The following FAM237A variants were observed in gnomAD, a reference collection of about 807,000 sequenced individuals.
FAM237A encodes protein FAM237A.
FAM237A carries 14 observed loss-of-function variants against 12.5 expected under a neutral mutation model. The ratio of observed to expected loss-of-function variants is 1.12; its 90% confidence interval spans 0.74 to 1.75. The LOEUF is 1.75. FAM237A is among the 40% of genes most tolerant of loss of function. The pLI is 0.00. For synonymous variants in FAM237A, 85 were observed against 77.5 expected, an observed-to-expected ratio of 1.10 and a Z score of -0.51; for missense variants, 240 against 211.7, an observed-to-expected ratio of 1.13 and a Z score of -0.83.
Position 206,649,116 on chromosome 2 carries a change from C to T in FAM237A, c.*322C>T, listed in dbSNP as rs181254020. 16 of 159,982 alleles carry T rather than the reference C, an allele frequency of 1.0e-4. No homozygotes were observed. The East Asian group carries it at 2.9e-3, about 29-fold the overall frequency. The allele number at this position is 159,982 out of a possible 1,614,324, so 9.9% of individuals were successfully genotyped here. ...TTGGGATGCTTGACATGTTAATAAA[C>T]TAGTGTGCCATACATTTAACTTGAA... On this transcript the variant is annotated 3_prime_UTR_variant, in exon 3 of 3. Coordinates refer to ENST00000441223, the MANE Select transcript of FAM237A (RefSeq NM_001102659.3).
chr2:206,647,734 T>A (rs1442137201), intron 2 of FAM237A, among the ~76,000 whole-genome samples: 2 of 146,774 alleles, frequency 1.4e-5, no homozygotes, highest in African/African-American at 2.5e-5. Context: ...GAATTGAGAG[T>A]AACTCATGGG....
chr2:206,645,990 G>A (rs1699312635), intron 2 of FAM237A, among the ~76,000 whole-genome samples: 1 of 151,966 alleles, frequency 6.6e-6, no homozygotes, highest in Non-Finnish European at 1.5e-5. Flanking sequence ...GGTCTGTAGG[G>A]CCTTTTCTTC....
At chr2:206,644,017 C>CGTCTTGG (rs1487597559) in intron 1 of FAM237A, among the ~76,000 whole-genome samples, 1 of 151,866 alleles carries the variant, frequency 6.6e-6, no homozygotes, top group African/African-American at 2.4e-5. Context: ...TTGGCCTGAC[C>CGTCTTGG]GTCTTGGATT....
In FAM237A at chr2:206,644,330, T is replaced by G. The variant is rs772366747; in HGVS notation, c.94T>G (p.Phe32Val). Reference sequence around the variant, plus strand: ...GGGAATGTGCTGTGTATCTCCTTTCTTCTGCCATAGCCAGACAGACTTGCT... The same window carrying G: ...GGGAATGTGCTGTGTATCTCCTTTCGTCTGCCATAGCCAGACAGACTTGCT... ...IVGMCCVSPF[F>V]CHSQTDLLAL... The change falls in exon 2 of 3, where the codon TTC becomes GTC. Residue 32 changes from phenylalanine to valine, a missense_variant. Physicochemically the swap from Phe to Val is conservative, Grantham distance 50 (BLOSUM62 -1). Coordinates refer to ENST00000441223, the MANE Select transcript of FAM237A (RefSeq NM_001102659.3). 2 of 1,613,576 alleles carry G rather than the reference T, an allele frequency of 1.2e-6. No individual in the cohort carries two copies. Among genetic ancestry groups the G allele is most frequent in the South Asian group, 2.2e-5 (2 of 90,908 alleles).
Position 206,648,722 on chromosome 2 carries a change from G to T in FAM237A, c.474G>T (p.Leu158Phe). The T allele has an allele frequency of 6.3e-7, 1 of 1,583,804 alleles. No homozygotes were observed. The highest frequency in any genetic ancestry group is 1.2e-5 in the South Asian group (1 of 86,642). ...AGAAGAAAGAGTTGATTGAAGATTT[G>T]ATAAGCATGCATGTGCGTAGGAGTG... ...FLKKKELIED[L>F]ISMHVRRSGS... Residue 158 changes from leucine to phenylalanine, a missense_variant, in exon 3 of 3, where the codon TTG (leucine) becomes TTT (phenylalanine). Transcript: ENST00000441223.
intron 2 of FAM237A, among the ~76,000 whole-genome samples, chr2:206,647,632 GACACACACAC>G (rs34672675): frequency 7.2e-6 from 1 of 139,546 alleles, no homozygotes; most frequent in Non-Finnish European, 1.5e-5. Context: ...GAGACACACA[GACACACACAC>G]ACACACACAC....
In FAM237A at chr2:206,644,444, T is replaced by C; in HGVS notation, c.208T>C (p.Ser70Pro). The C allele has an allele frequency of 6.2e-7, 1 of 1,613,986 alleles. No homozygotes were observed. The highest frequency in any genetic ancestry group is 8.5e-7 in the Non-Finnish European group (1 of 1,179,856). ...MWKPRVSNTV[S>P]GFWDFMIYLK... ...GAAACCTCGCGTTTCCAACACTGTTTCAGGCTTCTGGGATTTTATGATCTA... is the reference window on the plus strand; with the variant it reads ...GAAACCTCGCGTTTCCAACACTGTTCCAGGCTTCTGGGATTTTATGATCTA... Residue 70 changes from serine to proline, a missense_variant, in exon 2 of 3, where the codon TCA (serine) becomes CCA (proline). Physicochemically the swap from Ser to Pro is moderately conservative, Grantham distance 74. Transcript: ENST00000441223.
chr2:206,645,508 T>C (rs961379605), intron 2 of FAM237A, among the ~76,000 whole-genome samples: 3 of 152,170 alleles, frequency 2.0e-5, no homozygotes, highest in Non-Finnish European at 4.4e-5. Flanking sequence ...AGTAACTCTT[T>C]AGAATTATAT....
Position 206,642,657 on chromosome 2 carries a change from G to A in FAM237A, c.-11+75G>A, listed in dbSNP as rs1699268331. ...GGAGGGTGAGGCTGCGCAATCAAGT[G>A]CGGGGCCGAGACTCAGCGCGGGGCT... On this transcript the variant is annotated intron_variant, in intron 1 of 2. Transcript: ENST00000441223. This position sits in a 1 kb window ranked among gnomAD's most constrained non-coding sequence, Gnocchi z 5.1. The A allele has an allele frequency of 6.6e-6, 1 of 152,654 alleles. No homozygotes were observed. The highest frequency in any genetic ancestry group is 1.5e-5 in the Non-Finnish European group (1 of 68,412). 9.5% of individuals were successfully genotyped at this position (152,654 alleles called of 1,614,324 possible).
rs1320246409 is a variant in FAM237A at position 206,644,751 on chromosome 2, A to G, written c.412+103A>G. Reference sequence around the variant, plus strand: ...TGGCATTAGGGGAATCCAGTGTCATATATATTCCTCTCAAGAGGTGAACCC... The same window carrying G: ...TGGCATTAGGGGAATCCAGTGTCATGTATATTCCTCTCAAGAGGTGAACCC... On this transcript the variant is annotated intron_variant, in intron 2 of 2. Coordinates refer to ENST00000441223, the MANE Select transcript of FAM237A (RefSeq NM_001102659.3). 6 of 1,159,868 alleles carry G rather than the reference A, an allele frequency of 5.2e-6. No individual in the cohort carries two copies. The African/African-American group carries it at 9.4e-5, about 18-fold the overall frequency. 71.8% of individuals were successfully genotyped at this position (1,159,868 alleles called of 1,614,324 possible). A position where few individuals can be genotyped will look rare whatever the true frequency, so the allele number is the denominator to read the frequency against.
intron 2 of FAM237A, 42 bp downstream of exon 2, chr2:206,644,690 A>G (rs1336245855): frequency 2.7e-6 from 4 of 1,490,190 alleles, no homozygotes; most frequent in Non-Finnish European, 3.6e-6. Flanking sequence ...AGGGTCAATC[A>G]AGTATGAATG....
rs1425906126 is a variant in FAM237A, at chr2:206,648,651, C to A, written c.413-10C>A. 5 of 1,577,168 alleles carry A rather than the reference C, an allele frequency of 3.2e-6. No individual in the cohort carries two copies. Among genetic ancestry groups the A allele is most frequent in the Non-Finnish European group, 3.4e-6 (4 of 1,164,242 alleles). ...GGTGATCTTATGAAGTTCCGCTTTT[C>A]TACTTTCAGGTACATATTCTCAGCT... On this transcript the variant is annotated splice_polypyrimidine_tract_variant and intron_variant, in intron 2 of 2. Transcript: ENST00000441223.
At chr2:206,647,928 A>G (rs1445547676) in intron 2 of FAM237A, among the ~76,000 whole-genome samples, 1 of 152,184 alleles carries the variant, frequency 6.6e-6, no homozygotes. Context: ...CTCTGCGATG[A>G]GAAAATTAAA....
intron 2 of FAM237A, among the ~76,000 whole-genome samples, chr2:206,646,652 C>A (rs1574580909): frequency 6.6e-6 from 1 of 152,026 alleles, no homozygotes; most frequent in Admixed American, 6.6e-5. Context: ...GTTTGCAGAC[C>A]AAGAAACAAG....
chr2:206,646,564 T>C (rs972559574), intron 2 of FAM237A, among the ~76,000 whole-genome samples: 5 of 152,112 alleles, frequency 3.3e-5, no homozygotes, highest in African/African-American at 9.6e-5. Context: ...CTTTAGGGAG[T>C]TGGTATGCAA....
chr2:206,648,619 C>T, intron 2 of FAM237A, 42 bp from the exon 3 acceptor site: 1 of 1,546,538 alleles, frequency 6.5e-7, no homozygotes, highest in South Asian at 1.2e-5. Flanking sequence ...TAACCTGAAA[C>T]TAATTTGGTG....
chr2:206,643,933 G>C (rs1021458367), intron 1 of FAM237A, among the ~76,000 whole-genome samples: 2 of 152,188 alleles, frequency 1.3e-5, no homozygotes, highest in African/African-American at 4.8e-5. Flanking sequence ...ACATTCTTCT[G>C]TACCAGAGAA....
At position 206,644,370 on chromosome 2, in the gene FAM237A, C is replaced by T; in HGVS notation, c.134C>T (p.Ala45Val). 6.2e-7 allele frequency: 1 copy of T among 1,613,780 alleles called. No individual in the cohort carries two copies. The highest frequency in any genetic ancestry group is 8.5e-7 in the Non-Finnish European group (1 of 1,179,772). The change falls in exon 2 of 3, where the codon GCT becomes GTT. Residue 45 changes from alanine to valine, a missense_variant. Coordinates refer to ENST00000441223, the MANE Select transcript of FAM237A (RefSeq NM_001102659.3). ...ACAGACTTGCTGGCTCTTAGCCAAG[C>T]TGATCCTCAGTGCTGGGAATCCTCC... ...SQTDLLALSQADPQCWESSSV... is the reference protein window; with the variant it reads ...SQTDLLALSQVDPQCWESSSV...
chr2:206,646,228 G>A lies in FAM237A; in HGVS notation c.412+1580G>A, dbSNP rs1237589519. Reference sequence around the variant, plus strand: ...TGAGGCAGGAGAATGGCGTGAACCCGGGAGGCGGAGCTTGCAGTGAGCCGA... The same window carrying A: ...TGAGGCAGGAGAATGGCGTGAACCCAGGAGGCGGAGCTTGCAGTGAGCCGA... On this transcript the variant is annotated intron_variant, in intron 2 of 2. Coordinates refer to ENST00000441223, the MANE Select transcript of FAM237A (RefSeq NM_001102659.3). 2.6e-5 allele frequency among the ~76,000 whole-genome samples: 4 copies of A among 151,930 alleles called. No individual in the cohort carries two copies. In the South Asian group the frequency reaches 6.2e-4, roughly 24 times the overall value.
Sources: allele counts gnomAD v4.1 joint callset (sites outside exome capture counted in the v4.1 genomes callset), GRCh38; gene constraint gnomAD v4.1.1; non-coding constraint Gnocchi (gnomAD v3.1); transcripts MANE v1.5; gene names NCBI Gene and HGNC (gene_info 2026-07-23, HGNC 2026-07-21).